CPNE8: variants seen among roughly 807,000 people sequenced by gnomAD.
The protein encoded by CPNE8 is copine-8.
In CPNE8, 45 loss-of-function variants were observed where a neutral mutation model predicts 81.5. That is an observed-to-expected ratio of 0.55 (90% CI 0.44 to 0.71). The LOEUF (loss-of-function observed/expected upper bound fraction) is 0.71, where lower values mean the gene tolerates loss of function less well. CPNE8 is among the 30% of genes least tolerant of loss of function. The pLI is 0.00. For missense variants in CPNE8, 594 were observed against 672.1 expected (o/e 0.88, Z 1.28); for synonymous variants, 252 against 226.3 (o/e 1.11, Z -1.02).
rs544871750 is a variant in CPNE8 at position 38,766,856 on chromosome 12, T to G, written c.575+779A>C. Reference sequence around the variant, plus strand: ...GTGTTGGACAAACTTAGTAATTTTTTGTATAGTAACTAATTTAATCTGATC... The same window carrying G: ...GTGTTGGACAAACTTAGTAATTTTTGGTATAGTAACTAATTTAATCTGATC... On this transcript the variant is annotated intron_variant, in intron 8 of 19. Transcript: ENST00000331366. Among the ~76,000 whole-genome samples, 4 of 152,278 alleles carry G rather than the reference T, an allele frequency of 2.6e-5. No homozygotes were observed. In the South Asian group the frequency reaches 8.3e-4, roughly 32 times the overall value.
At chr12:38,685,232 G>A (rs1939506763) in intron 16 of CPNE8, among the ~76,000 whole-genome samples, 1 of 152,146 alleles carries the variant, frequency 6.6e-6, no homozygotes, top group Non-Finnish European at 1.5e-5. Flanking sequence ...CTAAGAAAAT[G>A]TTTTCCTTAG....
chr12:38,829,117 T>C (rs1943245386), intron 6 of CPNE8, among the ~76,000 whole-genome samples: 1 of 152,184 alleles, frequency 6.6e-6, no homozygotes, highest in South Asian at 2.1e-4. Context: ...TGATAATTAA[T>C]AGTACAACCA....
chr12:38,800,909 A>G (rs1215522810), intron 6 of CPNE8, among the ~76,000 whole-genome samples: 4 of 121,016 alleles, frequency 3.3e-5, no homozygotes, highest in Admixed American at 2.6e-4. Context: ...GGGTATCAGC[A>G]ATGGAAGATG....
At chr12:38,788,307 C>T (rs76872837) in intron 6 of CPNE8, among the ~76,000 whole-genome samples, 5,284 of 151,898 alleles carry the variant, frequency 0.035, 331 homozygotes, top group African/African-American at 0.12. Context: ...GATGGTTCGA[C>T]ATATGCAAAA....
intron 15 of CPNE8, among the ~76,000 whole-genome samples, chr12:38,690,008 G>A (rs1284392280): frequency 6.6e-6 from 1 of 152,142 alleles, no homozygotes; most frequent in Non-Finnish European, 1.5e-5. Flanking sequence ...GGGATTTACT[G>A]AGACCTTTTC....
intron 10 of CPNE8, among the ~76,000 whole-genome samples, chr12:38,738,953 A>T (rs1448302392): frequency 6.6e-6 from 1 of 151,912 alleles, no homozygotes; most frequent in Non-Finnish European, 1.5e-5. Context: ...AGCTGGGACC[A>T]CAAGTGCATA....
At chr12:38,817,902 C>T (rs898307081) in intron 6 of CPNE8, among the ~76,000 whole-genome samples, 4 of 152,054 alleles carry the variant, frequency 2.6e-5, no homozygotes, top group African/African-American at 4.8e-5. Flanking sequence ...GGATTACGGG[C>T]GTGAGCCACT....
intron 6 of CPNE8, among the ~76,000 whole-genome samples, chr12:38,781,283 A>G (rs1307818153): frequency 1.3e-5 from 2 of 152,034 alleles, no homozygotes; most frequent in Admixed American, 6.6e-5. Flanking sequence ...AGGTAGTAGA[A>G]ATAAACCTAG....
Position 38,652,643 on chromosome 12 carries a change from G to T in CPNE8, c.*1239C>A, listed in dbSNP as rs1198340861. The T allele has an allele frequency of 6.6e-6, 1 of 152,480 alleles. No homozygotes were observed. Among genetic ancestry groups the T allele is most frequent in the South Asian group, 2.1e-4 (1 of 4,832 alleles). The allele number at this position is 152,480 out of a possible 1,614,324, so 9.4% of individuals were successfully genotyped here. A position where few individuals can be genotyped will look rare whatever the true frequency, so the allele number is the denominator to read the frequency against. On this transcript the variant is annotated 3_prime_UTR_variant, in exon 20 of 20. Coordinates refer to ENST00000331366, the MANE Select transcript of CPNE8 (RefSeq NM_153634.3). The stretch of plus-strand genomic sequence containing the variant: ...AAATACACTTTTCTATTATTTGAAG[G>T]CAATTCACAATCATTTCCAGGAATT...
intron 8 of CPNE8, among the ~76,000 whole-genome samples, chr12:38,763,933 G>A (rs1941622991): frequency 1.3e-5 from 2 of 151,598 alleles, no homozygotes; most frequent in Admixed American, 1.3e-4. Context: ...TCTCAAATAA[G>A]AGGGATTTGT....
Position 38,905,569 on chromosome 12 carries a change from C to T in CPNE8, c.-35G>A. On this transcript the variant is annotated 5_prime_UTR_variant, in exon 1 of 20. Coordinates refer to ENST00000331366, the MANE Select transcript of CPNE8 (RefSeq NM_153634.3). ...AGGCGCCTTGGACTTGTCCGGCGCC[C>T]ACAACCACAGCTCGGGCGGACTGAG... 1 of 1,545,892 alleles carries T rather than the reference C, an allele frequency of 6.5e-7. No individual in the cohort carries two copies. Among genetic ancestry groups the T allele is most frequent in the Non-Finnish European group, 8.7e-7 (1 of 1,146,942 alleles).
intron 19 of CPNE8, among the ~76,000 whole-genome samples, chr12:38,667,951 C>T (rs1293043047): frequency 2.0e-5 from 3 of 152,108 alleles, no homozygotes; most frequent in African/African-American, 7.2e-5. Flanking sequence ...GCGCCCGCCA[C>T]CACACGCTGG....
At chr12:38,838,987 C>G (rs1458176670) in intron 5 of CPNE8, among the ~76,000 whole-genome samples, 1 of 152,078 alleles carries the variant, frequency 6.6e-6, no homozygotes, top group Non-Finnish European at 1.5e-5. Flanking sequence ...AGTTTGACAG[C>G]GTACAACAGT....
At chr12:38,808,626 A>G (rs1942871635) in intron 6 of CPNE8, among the ~76,000 whole-genome samples, 2 of 128,774 alleles carry the variant, frequency 1.6e-5, no homozygotes, top group South Asian at 2.8e-4. Flanking sequence ...GGGGGGAGGG[A>G]TAGCATTAGG....
chr12:38,788,277 A>G (rs1422373428), intron 6 of CPNE8, among the ~76,000 whole-genome samples: 1 of 151,894 alleles, frequency 6.6e-6, no homozygotes, highest in African/African-American at 2.4e-5. Context: ...ATCAAGTAAG[A>G]TTTATCCTTG....
At chr12:38,732,407 A>G (rs1252986569) in intron 10 of CPNE8, among the ~76,000 whole-genome samples, 1 of 151,940 alleles carries the variant, frequency 6.6e-6, no homozygotes, top group Non-Finnish European at 1.5e-5. Flanking sequence ...TGTTGAAGTC[A>G]TTGGGGAACT....
In CPNE8 at chr12:38,693,741, A is replaced by G; in HGVS notation, c.1059T>C (p.Asp353=). Residue 353 remains aspartate, a synonymous_variant, in exon 15 of 20, where the codon GAT becomes GAC. Transcript: ENST00000331366. ...CTGGAAACATTTTATCACTGTCATA[A>G]TCTTGAACAATTTCTCCCACTGCTT... is the stretch of plus-strand genomic sequence containing the variant. The part of the protein sequence containing the change: ...ALKAVGEIVQ[D]YDSDKMFPAL... The G allele has an allele frequency of 6.2e-7, 1 of 1,613,732 alleles. No homozygotes were observed. Among genetic ancestry groups the G allele is most frequent in the South Asian group, 1.1e-5 (1 of 91,032 alleles).
At chr12:38,865,559 C>T (rs1943902100) in intron 3 of CPNE8, among the ~76,000 whole-genome samples, 1 of 152,084 alleles carries the variant, frequency 6.6e-6, no homozygotes, top group Admixed American at 6.5e-5. Flanking sequence ...TAAAAATGGG[C>T]AAAACTATTC....
chr12:38,820,916 G>T (rs1278672779), intron 6 of CPNE8, among the ~76,000 whole-genome samples: 1 of 152,030 alleles, frequency 6.6e-6, no homozygotes, highest in African/African-American at 2.4e-5. Flanking sequence ...GAAACCTGAA[G>T]GTCCTTGAAA....
Sources: allele counts gnomAD v4.1 joint callset (sites outside exome capture counted in the v4.1 genomes callset), GRCh38; gene constraint gnomAD v4.1.1; transcripts MANE v1.5; gene names NCBI Gene and HGNC (gene_info 2026-07-23, HGNC 2026-07-21).